GLI2: variants seen among roughly 807,000 people sequenced by gnomAD.
GLI2 encodes transcription activator GLI2.
GLI2 carries 22 observed loss-of-function variants against 78.9 expected under a neutral mutation model. The ratio of observed to expected loss-of-function variants is 0.28; its 90% CI spans 0.20 to 0.40. The LOEUF (loss-of-function observed/expected upper bound fraction) is 0.40, where lower values mean the gene tolerates loss of function less well. GLI2 is among the 10% of genes least tolerant of loss of function. The pLI, the probability that GLI2 is intolerant of heterozygous loss-of-function variation, is 1.00. For missense variants in GLI2, 2,097 were observed against 2,213.2 expected, an observed-to-expected ratio of 0.95 and a Z score of 1.05; for synonymous variants, 974 against 963.7, an observed-to-expected ratio of 1.01 and a Z score of -0.20.
intron 2 of GLI2, among the ~76,000 whole-genome samples, chr2:120,886,843 G>T (rs1421930725): frequency 1.3e-5 from 2 of 152,246 alleles, no homozygotes; most frequent in African/African-American, 4.8e-5. Flanking sequence ...TGAGGCAGGA[G>T]ACCCTGCCCA....
At chr2:120,821,087 A>T (rs534380579) in intron 2 of GLI2, among the ~76,000 whole-genome samples, 28 of 152,202 alleles carry the variant, frequency 1.8e-4, no homozygotes, top group Admixed American at 1.0e-3. Context: ...TAAGCCTGGG[A>T]TGATCTGCTC....
intron 3 of GLI2, among the ~76,000 whole-genome samples, chr2:120,937,515 CA>C (rs1680254227): frequency 6.6e-6 from 1 of 152,132 alleles, no homozygotes; most frequent in African/African-American, 2.4e-5. Flanking sequence ...AAGCCCAGAG[CA>C]CCAGGAATAC....
intron 1 of GLI2, among the ~76,000 whole-genome samples, chr2:120,768,645 T>A (rs1209530029): frequency 6.6e-6 from 1 of 151,842 alleles, no homozygotes. Context: ...TCACAGGGAG[T>A]CTCAAAGATG....
intron 3 of GLI2, among the ~76,000 whole-genome samples, chr2:120,942,371 T>A (rs6723573): frequency 0.86 from 131,211 of 152,156 alleles, 59,451 homozygotes; most frequent in East Asian, 1. Flanking sequence ...TGCTGCCAAC[T>A]TTCCTTGGCT....
In GLI2 at chr2:120,775,179, G is replaced by C. The variant is rs1233656921; in HGVS notation, c.-30-22112G>C. Among the ~76,000 whole-genome samples, 5 of 152,252 alleles carry C rather than the reference G, an allele frequency of 3.3e-5. No individual in the cohort carries two copies. In the East Asian group the frequency reaches 9.7e-4, roughly 29 times the overall value. ...TCCACTCCACACTAATTTAAGCTTT[G>C]TGTAGATATGGGCCCGCTCAGCATT... is the stretch of plus-strand genomic sequence containing the variant. On this transcript the variant is annotated intron_variant, in intron 1 of 13. Coordinates refer to ENST00000361492, the MANE Select transcript of GLI2 (RefSeq NM_001374353.1).
In GLI2 at chr2:120,989,125, A is replaced by C. The variant is rs757606652; in HGVS notation, c.3160A>C (p.Lys1054Gln). 2.5e-6 allele frequency: 4 copies of C among 1,612,784 alleles called. No individual in the cohort carries two copies. The highest frequency in any genetic ancestry group is 3.4e-6 in the Non-Finnish European group (4 of 1,179,948). The change falls in exon 14 of 14, where the codon AAG (lysine) becomes CAG (glutamine). Residue 1054 changes from lysine to glutamine, a missense_variant. This residue lies in a region of GLI2 where 1,290 missense variants were observed against 1,261.7 expected (regional missense o/e 1.02). Transcript: ENST00000361492. ...TCCAGACGACGTGGTGCAGTACATC[A>C]AGGCGCACGCCAGTGGCGCTCTGGA... ...VLPDDVVQYI[K>Q]AHASGALDEG...
chr2:120,896,256 A>C lies in GLI2; in HGVS notation c.149-31105A>C, dbSNP rs927533481. On this transcript the variant is annotated intron_variant, in intron 2 of 13. Transcript: ENST00000361492. ...TCCGCCCCACCCTGAGGTCAGCCTGAAGGCAGCCCCCTAGCCCCACCCCAG... is the reference window on the plus strand; with the variant it reads ...TCCGCCCCACCCTGAGGTCAGCCTGCAGGCAGCCCCCTAGCCCCACCCCAG... Among the ~76,000 whole-genome samples, 3 of 150,106 alleles carry C rather than the reference A, an allele frequency of 2.0e-5. No homozygotes were observed. In the East Asian group the frequency reaches 6.1e-4, roughly 30 times the overall value.
chr2:120,955,414 C>T lies in GLI2; in HGVS notation c.627C>T (p.Tyr209=), dbSNP rs1439948646. 6.2e-6 allele frequency: 10 copies of T among 1,605,578 alleles called. No homozygotes were observed. The African/African-American group carries it at 9.4e-5, about 15-fold the overall frequency. The part of the protein sequence containing the change: ...GAASAPHLHD[Y]LNPVDVSRFS... ...CCAGCGCACCCCATCTCCACGACTA[C>T]CTCAACCCCGTGGACGGTGAGTGCT... Residue 209 remains tyrosine (Y), a synonymous_variant, in exon 5 of 14, where the codon TAC becomes TAT. Coordinates refer to ENST00000361492, the MANE Select transcript of GLI2 (RefSeq NM_001374353.1).
At chr2:120,864,992 C>A (rs1272287817) in intron 2 of GLI2, among the ~76,000 whole-genome samples, 1 of 152,198 alleles carries the variant, frequency 6.6e-6, no homozygotes, top group African/African-American at 2.4e-5. Flanking sequence ...CCAACCAGTT[C>A]TCTTCCAACT....
chr2:120,890,437 A>T (rs879861321), intron 2 of GLI2, among the ~76,000 whole-genome samples: 5 of 116,334 alleles, frequency 4.3e-5, no homozygotes, highest in Non-Finnish European at 5.2e-5. Flanking sequence ...ATGCACACAC[A>T]TTCACATATA....
At chr2:120,939,156 C>T (rs562141338) in intron 3 of GLI2, among the ~76,000 whole-genome samples, 39 of 152,212 alleles carry the variant, frequency 2.6e-4, no homozygotes, top group African/African-American at 9.4e-4. Context: ...GTGGTGGGCA[C>T]CTGTAATCCC....
At chr2:120,770,844 C>A (rs577825556) in intron 1 of GLI2, among the ~76,000 whole-genome samples, 2 of 152,316 alleles carry the variant, frequency 1.3e-5, no homozygotes, top group East Asian at 3.9e-4. Flanking sequence ...ACCACCTACC[C>A]TCCAGGCTGC....
chr2:120,828,681 C>A (rs943244669), intron 2 of GLI2, among the ~76,000 whole-genome samples: 3 of 152,100 alleles, frequency 2.0e-5, no homozygotes, highest in Non-Finnish European at 4.4e-5. Context: ...TTAATTACAG[C>A]CAAATCCGCT....
intron 2 of GLI2, among the ~76,000 whole-genome samples, chr2:120,841,691 G>T (rs1482394897): frequency 6.6e-6 from 1 of 152,252 alleles, no homozygotes. Flanking sequence ...GCCAGGTGCT[G>T]GCAGGACAGA....
chr2:120,885,093 T>G (rs1037735533), intron 2 of GLI2, among the ~76,000 whole-genome samples: 3 of 152,172 alleles, frequency 2.0e-5, no homozygotes, highest in Non-Finnish European at 4.4e-5. Flanking sequence ...GCTTATTGCC[T>G]TTCAAATACA....
chr2:120,955,523 C>T (rs940699518), intron 5 of GLI2, 93 bp downstream of exon 5: 24 of 862,764 alleles, frequency 2.8e-5, no homozygotes, highest in Non-Finnish European at 4.2e-5. Context: ...GGGACAAGGA[C>T]CCTTAAGGAG....
At chr2:120,798,600 T>A (rs1270991822) in intron 2 of GLI2, among the ~76,000 whole-genome samples, 2 of 152,272 alleles carry the variant, frequency 1.3e-5, no homozygotes, top group African/African-American at 4.8e-5. Flanking sequence ...AGATCTGAGG[T>A]CAACCTTCAG....
At chr2:120,817,659 C>G (rs1685564212) in intron 2 of GLI2, among the ~76,000 whole-genome samples, 1 of 152,190 alleles carries the variant, frequency 6.6e-6, no homozygotes, top group Admixed American at 6.5e-5. Flanking sequence ...GTAGCAAGAC[C>G]CTCTCAGCTG....
intron 1 of GLI2, among the ~76,000 whole-genome samples, chr2:120,764,764 T>G (rs1558785111): frequency 6.6e-6 from 1 of 152,194 alleles, no homozygotes; most frequent in Non-Finnish European, 1.5e-5. Flanking sequence ...AATCCTGAAG[T>G]AAAGAAACTT....
Sources: gnomAD v4.1 joint callset for allele counts (sites outside exome capture counted in the v4.1 genomes callset) on GRCh38, gnomAD v4.1.1 for gene constraint, gnomAD v4.1.1 regional missense constraint, MANE v1.5 for transcripts, NCBI Gene and HGNC (gene_info 2026-07-23, HGNC 2026-07-21) for gene names.